Variants in ZGLP1 observed in about 807,000 individuals in gnomAD.
ZGLP1 encodes GATA-type zinc finger protein 1.
In ZGLP1, 11 loss-of-function variants were observed where a neutral mutation model predicts 21.4. The ratio of observed to expected loss-of-function variants is 0.51; its 90% CI spans 0.32 to 0.85. The LOEUF is 0.85. Among genes scored for constraint, ZGLP1 ranks in the 40% least tolerant of loss-of-function variants. ZGLP1 has a pLI of 0.03. For synonymous variants in ZGLP1, 148 were observed against 145.0 expected (o/e 1.02, Z -0.15); for missense variants, 295 against 355.6 (o/e 0.83, Z 1.37).
rs1164451959 is a variant in ZGLP1, at chr19:10,305,811, A to T, written c.604+35T>A. ...CAGGGAAGACAGGAAATTGGCCCCC[A>T]AAATATTTATAGCTCTTGGGTTTTC... On this transcript the variant is annotated intron_variant, in intron 2 of 3. Transcript: ENST00000403903. The surrounding 1 kb of genome is among the most constrained non-coding windows in gnomAD (Gnocchi z 4.7). 6.6e-7 allele frequency: 1 copy of T among 1,514,126 alleles called. No individual in the cohort carries two copies. The highest frequency in any genetic ancestry group is 1.4e-5 in the African/African-American group (1 of 72,230). The allele number at this position is 1,514,126 out of a possible 1,614,324, so 93.8% of individuals were successfully genotyped here. A position where few individuals can be genotyped will look rare whatever the true frequency, so the allele number is the denominator to read the frequency against.
chr19:10,305,329 C>T lies in ZGLP1; in HGVS notation c.698+61G>A. Reference sequence around the variant, plus strand: ...CTTTTTGCTTTCCCCACAGGCCATCCTGGTTACACGTGGACTGATTTGGGG... The same window carrying T: ...CTTTTTGCTTTCCCCACAGGCCATCTTGGTTACACGTGGACTGATTTGGGG... On this transcript the variant is annotated intron_variant, in intron 3 of 3. Transcript: ENST00000403903. The surrounding 1 kb of genome is among the most constrained non-coding windows in gnomAD (Gnocchi z 4.7). 1 of 1,545,880 alleles carries T rather than the reference C, an allele frequency of 6.5e-7. No individual in the cohort carries two copies. Among genetic ancestry groups the T allele is most frequent in the South Asian group, 1.2e-5 (1 of 86,018 alleles).
In ZGLP1 at chr19:10,305,976, C is replaced by G. The variant is rs1301906263; in HGVS notation, c.498-24G>C. ...GGCTGTGGGGCAGACAAGGTATTAG[C>G]ACTGGGGGGGATCTGTAGCTTGTCC... is the stretch of plus-strand genomic sequence containing the variant. On this transcript the variant is annotated intron_variant, in intron 1 of 3. Coordinates refer to ENST00000403903, the Ensembl canonical transcript of ZGLP1. This position sits in a 1 kb window ranked among gnomAD's most constrained non-coding sequence, Gnocchi z 4.7. 6 of 1,500,582 alleles carry G rather than the reference C, an allele frequency of 4.0e-6. No homozygotes were observed. The highest frequency in any genetic ancestry group is 1.7e-4 in the Middle Eastern group (1 of 5,840). The allele number at this position is 1,500,582 out of a possible 1,614,324, so 93.0% of individuals were successfully genotyped here.
chr19:10,304,923 G>A (rs2040270506), exon 4 of ZGLP1: 2 of 618,100 alleles, frequency 3.2e-6, no homozygotes, highest in Admixed American at 3.0e-5. Flanking sequence ...CCCCTAGCAG[G>A]CTCTGCCACC....
chr19:10,308,177 GC>G lies in ZGLP1; in HGVS notation c.497+7del, dbSNP rs770806815. ...AGAAAGGGCGGCCTGGCCCCAGCCG[GC>G]CCCTACCTGTACGTGGGGATGATCT... On this transcript the variant is annotated splice_region_variant and intron_variant, in intron 1 of 3. Coordinates refer to ENST00000403903, the Ensembl canonical transcript of ZGLP1. 2 of 1,523,256 alleles carry G rather than the reference GC, an allele frequency of 1.3e-6. No homozygotes were observed. The highest frequency in any genetic ancestry group is 4.5e-5 in the East Asian group (2 of 44,088). 94.4% of individuals were successfully genotyped at this position (1,523,256 alleles called of 1,614,324 possible). A position where few individuals can be genotyped will look rare whatever the true frequency, so the allele number is the denominator to read the frequency against.
intron 1 of ZGLP1, among the ~76,000 whole-genome samples, chr19:10,307,082 C>T (rs1367925043): frequency 6.7e-6 from 1 of 149,408 alleles, no homozygotes; most frequent in Non-Finnish European, 1.5e-5. Context: ...TGCAGTGAGC[C>T]GAGATTGTGT....
exon 1 of ZGLP1, chr19:10,308,501 G>T (rs1026754595): frequency 6.2e-7 from 1 of 1,611,192 alleles, no homozygotes. Flanking sequence ...ACTGTCTCTT[G>T]GAGGAAGCAC....
chr19:10,305,127 T>C lies in ZGLP1; in HGVS notation c.780A>G (p.Arg260=), dbSNP rs562485395. ...GAATGGGGTCCAGGGACACTCCACA[T>C]CTGCCACATAGCCTCTTGGGCTGGA... The change falls in exon 4 of 4, where the codon AGA becomes AGG. Residue 260 remains arginine, a synonymous_variant. Transcript: ENST00000403903. The surrounding 1 kb of genome is among the most constrained non-coding windows in gnomAD (Gnocchi z 4.7). 280 of 1,613,822 alleles carry C rather than the reference T, an allele frequency of 1.7e-4. No homozygotes were observed. The highest frequency in any genetic ancestry group is 2.0e-4 in the Non-Finnish European group (231 of 1,179,872).
intron 1 of ZGLP1, among the ~76,000 whole-genome samples, chr19:10,307,516 GTT>G (rs34638207): frequency 7.7e-6 from 1 of 130,578 alleles, no homozygotes. Context: ...TTCCCAGCTA[GTT>G]TTTTTTTTTT....
rs1402905973 is a variant in ZGLP1 at position 10,305,688 on chromosome 19, G to T, written c.604+158C>A. On this transcript the variant is annotated intron_variant, in intron 2 of 3. Coordinates refer to ENST00000403903, the Ensembl canonical transcript of ZGLP1. The surrounding 1 kb of genome is among the most constrained non-coding windows in gnomAD (Gnocchi z 4.7). Reference sequence around the variant, plus strand: ...TTCCGCAGAGGAGGAAGCTGGGGGTGGGGGTGACTCAGCCCAAGTGGAGGG... The same window carrying T: ...TTCCGCAGAGGAGGAAGCTGGGGGTTGGGGTGACTCAGCCCAAGTGGAGGG... 2.7e-6 allele frequency: 2 copies of T among 744,198 alleles called. No individual in the cohort carries two copies. The highest frequency in any genetic ancestry group is 1.7e-5 in the African/African-American group (1 of 57,820). 46.1% of individuals were successfully genotyped at this position (744,198 alleles called of 1,614,324 possible).
chr19:10,304,944 G>T (rs961661660), exon 4 of ZGLP1: 1 of 669,442 alleles, frequency 1.5e-6, no homozygotes, highest in Non-Finnish European at 2.5e-6. Context: ...TGAGGCCTGG[G>T]TCTTCCCCCG....
In ZGLP1 at chr19:10,305,951, G is replaced by A. The variant is rs772505813; in HGVS notation, c.499C>T (p.Leu167=). 9.0e-6 allele frequency: 14 copies of A among 1,555,016 alleles called. No individual in the cohort carries two copies. The highest frequency in any genetic ancestry group is 1.2e-5 in the Non-Finnish European group (14 of 1,148,180). Reference sequence around the variant, plus strand: ...TCCTGAGAACGGCTACTGCAGGGCAGGCTGTGGGGCAGACAAGGTATTAGC... The same window carrying A: ...TCCTGAGAACGGCTACTGCAGGGCAAGCTGTGGGGCAGACAAGGTATTAGC... Residue 167 remains leucine, a splice_region_variant and synonymous_variant, in exon 2 of 4, where the codon CTG becomes TTG. Transcript: ENST00000403903. The surrounding 1 kb of genome is among the most constrained non-coding windows in gnomAD (Gnocchi z 4.7).
intron 1 of ZGLP1, among the ~76,000 whole-genome samples, chr19:10,307,058 C>T (rs1330241036): frequency 4.0e-5 from 6 of 150,912 alleles, no homozygotes; most frequent in East Asian, 2.0e-4. Context: ...CGTTTGAATC[C>T]GGGAGGCAGA....
Position 10,305,883 on chromosome 19 carries a change from T to C in ZGLP1, c.567A>G (p.Gly189=). 1.3e-6 allele frequency: 2 copies of C among 1,562,930 alleles called. No homozygotes were observed. Among genetic ancestry groups the C allele is most frequent in the Non-Finnish European group, 1.7e-6 (2 of 1,152,302 alleles). Reference sequence around the variant, plus strand: ...TGCCTGCTGAGTGGGCCTCGGTGCCTCCTGGGTGGGCTGCAGGGCCCCCAA... The same window carrying C: ...TGCCTGCTGAGTGGGCCTCGGTGCCCCCTGGGTGGGCTGCAGGGCCCCCAA... The change falls in exon 2 of 4, where the codon GGA becomes GGG. Residue 189 remains glycine, a synonymous_variant. Coordinates refer to ENST00000403903, the Ensembl canonical transcript of ZGLP1. The surrounding 1 kb of genome is among the most constrained non-coding windows in gnomAD (Gnocchi z 4.7).
exon 1 of ZGLP1, chr19:10,308,714 A>C: frequency 6.8e-7 from 1 of 1,461,484 alleles, no homozygotes; most frequent in Non-Finnish European, 9.1e-7. Context: ...TAAGAGTTGC[A>C]GTAATTGCAA....
intron 1 of ZGLP1, 123 bp downstream of exon 2, chr19:10,308,062 G>T (rs2040289232): frequency 2.2e-6 from 3 of 1,351,104 alleles, no homozygotes; most frequent in Non-Finnish European, 3.0e-6. Flanking sequence ...CAGAGACTGG[G>T]CCACGTGTAA....
chr19:10,309,371 C>T (rs1312847257), exon 1 of ZGLP1: 1 of 152,768 alleles, frequency 6.5e-6, no homozygotes, highest in Non-Finnish European at 1.5e-5. Flanking sequence ...CTGCAGCATC[C>T]TGGGGTCCTC....
intron 1 of ZGLP1, among the ~76,000 whole-genome samples, chr19:10,306,201 C>T (rs11882594): frequency 0.094 from 14,246 of 151,774 alleles, 769 homozygotes; most frequent in African/African-American, 0.15. Context: ...CAACCTCCAC[C>T]TCCCGGGTTC....
chr19:10,306,036 G>T, intron 1 of ZGLP1, 84 bp from the exon 3 acceptor site: 1 of 1,004,162 alleles, frequency 1.0e-6, no homozygotes, highest in Non-Finnish European at 1.5e-6. Context: ...TTAGTATCAA[G>T]GTATCAGCCA....
exon 1 of ZGLP1, chr19:10,308,651 A>G: frequency 6.6e-7 from 1 of 1,513,330 alleles, no homozygotes; most frequent in Non-Finnish European, 8.8e-7. Flanking sequence ...ACCCTTGGAC[A>G]GGCTACACAC....
Sources: gnomAD v4.1 joint callset for allele counts (sites outside exome capture counted in the v4.1 genomes callset) on GRCh38, gnomAD v4.1.1 for gene constraint, Gnocchi (gnomAD v3.1) non-coding constraint, MANE v1.5 for transcripts, NCBI Gene and HGNC (gene_info 2026-07-23, HGNC 2026-07-21) for gene names.